NYAP2: variants seen among roughly 807,000 people sequenced by gnomAD.
NYAP2 encodes neuronal tyrosine-phosphorylated phosphoinositide-3-kinase adaptor 2, also known as neuronal tyrosine-phosphorylated phosphoinositide-3-kinase adapter 2.
NYAP2 carries 23 observed loss-of-function variants against 50.4 expected under a neutral mutation model. That is an observed-to-expected ratio of 0.46 (90% CI 0.33 to 0.65). The LOEUF (loss-of-function observed/expected upper bound fraction) is 0.65. Among genes scored for constraint, NYAP2 ranks in the 30% least tolerant of loss-of-function variants. The pLI is 0.02. For missense variants in NYAP2, 885 were observed against 861.0 expected (o/e 1.03, Z -0.35); for synonymous variants, 394 against 365.2 (o/e 1.08, Z -0.90).
At chr2:225,452,581 A>G (rs1689670555) in intron 3 of NYAP2, among the ~76,000 whole-genome samples, 1 of 151,608 alleles carries the variant, frequency 6.6e-6, no homozygotes, top group Admixed American at 6.6e-5. Context: ...GACATTTCTC[A>G]CTCCTTTTTC....
At chr2:225,684,751 A>G in the NYAP2 span, among the ~76,000 whole-genome samples, 6 of 152,188 alleles carry the variant, frequency 3.9e-5, no homozygotes, top group Middle Eastern at 3.4e-3. Flanking sequence ...GGGTTTCACT[A>G]TGTTGGTGAG....
At chr2:225,699,069 C>T in the NYAP2 span, 30 of 151,850 alleles carry the variant, frequency 2.0e-4, no homozygotes, top group African/African-American at 7.3e-4. Flanking sequence ...AGCATCTGTG[C>T]TTTTTAAGTT....
intron 3 of NYAP2, among the ~76,000 whole-genome samples, chr2:225,464,469 G>A (rs369315967): frequency 1.3e-5 from 2 of 152,198 alleles, no homozygotes; most frequent in South Asian, 2.1e-4. Context: ...AATACTTTGC[G>A]GGCCAGGAAG....
At chr2:225,629,947 C>A (rs1441293171) in intron 6 of NYAP2, among the ~76,000 whole-genome samples, 1 of 152,170 alleles carries the variant, frequency 6.6e-6, no homozygotes, top group Non-Finnish European at 1.5e-5. Flanking sequence ...GAAGAGAAAT[C>A]AGTTAGTTCT....
rs568115507 is a variant in NYAP2, at chr2:225,439,409, G to A, written c.221+30308G>A. Among the ~76,000 whole-genome samples the A allele has an allele frequency of 9.8e-5, 15 of 152,328 alleles. No homozygotes were observed. In the East Asian group the frequency reaches 2.5e-3, roughly 25 times the overall value. On this transcript the variant is annotated intron_variant, in intron 3 of 6. Transcript: ENST00000636099. ...GAAAAAGTCACTGAGAGTCCTGAAAGGATGGAAAATTGTGATTACAGAATA... is the reference window on the plus strand; with the variant it reads ...GAAAAAGTCACTGAGAGTCCTGAAAAGATGGAAAATTGTGATTACAGAATA...
intron 6 of NYAP2, among the ~76,000 whole-genome samples, chr2:225,638,376 A>G (rs1693464176): frequency 6.6e-6 from 1 of 152,098 alleles, no homozygotes; most frequent in South Asian, 2.1e-4. Flanking sequence ...GTGGAAGGAA[A>G]AAGCACAAGA....
At chr2:225,500,043 ATTG>A (rs1335048154) in intron 3 of NYAP2, among the ~76,000 whole-genome samples, 1 of 152,226 alleles carries the variant, frequency 6.6e-6, no homozygotes, top group Non-Finnish European at 1.5e-5. Flanking sequence ...ATGTATAAAA[ATTG>A]TTAAGAGATA....
At chr2:225,468,594 A>G (rs1399540961) in intron 3 of NYAP2, among the ~76,000 whole-genome samples, 1 of 152,238 alleles carries the variant, frequency 6.6e-6, no homozygotes, top group African/African-American at 2.4e-5. Flanking sequence ...GTGTGATTCA[A>G]TGATAAATGA....
the NYAP2 span, among the ~76,000 whole-genome samples, chr2:225,669,248 T>C: frequency 2.6e-5 from 4 of 152,082 alleles, no homozygotes; most frequent in Admixed American, 2.0e-4. Context: ...TCTCTTTCTT[T>C]TTACAAAAGA....
chr2:225,650,894 T>C (rs1693719200), intron 6 of NYAP2, among the ~76,000 whole-genome samples: 1 of 152,082 alleles, frequency 6.6e-6, no homozygotes, highest in African/African-American at 2.4e-5. Flanking sequence ...GCTTTTTAAG[T>C]TGGAAAAATA....
intron 3 of NYAP2, among the ~76,000 whole-genome samples, chr2:225,429,304 C>G (rs911500192): frequency 2.0e-5 from 3 of 152,196 alleles, no homozygotes; most frequent in African/African-American, 7.2e-5. Context: ...AAATGCTAAG[C>G]TTGCATGTTG....
intron 3 of NYAP2, among the ~76,000 whole-genome samples, chr2:225,444,014 A>G (rs1055620841): frequency 6.6e-6 from 1 of 152,192 alleles, no homozygotes; most frequent in African/African-American, 2.4e-5. Flanking sequence ...ACTTAGATTC[A>G]AATGATCTCA....
chr2:225,496,356 C>T (rs1690505326), intron 3 of NYAP2, among the ~76,000 whole-genome samples: 1 of 152,028 alleles, frequency 6.6e-6, no homozygotes, highest in South Asian at 2.1e-4. Context: ...AGTGTGTGGC[C>T]AGGGAATATG....
intron 3 of NYAP2, among the ~76,000 whole-genome samples, chr2:225,510,406 A>G (rs1377969324): frequency 6.6e-6 from 1 of 152,196 alleles, no homozygotes; most frequent in East Asian, 1.9e-4. Context: ...ACACAAATTC[A>G]TCTTCTACAC....
At chr2:225,539,932 C>T (rs894281926) in intron 4 of NYAP2, among the ~76,000 whole-genome samples, 5 of 152,116 alleles carry the variant, frequency 3.3e-5, no homozygotes, top group African/African-American at 1.2e-4. Flanking sequence ...CTGCCAGATA[C>T]CCTTAATCAT....
At chr2:225,560,377 G>A (rs1016018417) in intron 4 of NYAP2, among the ~76,000 whole-genome samples, 3 of 151,976 alleles carry the variant, frequency 2.0e-5, no homozygotes, top group Non-Finnish European at 4.4e-5. Flanking sequence ...ATGACATAGA[G>A]CATACCATAT....
chr2:225,649,732 T>C (rs11902730), intron 6 of NYAP2, among the ~76,000 whole-genome samples: 30,107 of 152,138 alleles, frequency 0.2, 3,337 homozygotes, highest in African/African-American at 0.3. Flanking sequence ...AGGGCAATAT[T>C]GGGATTTTGG....
At chr2:225,578,295 G>C (rs1692203888) in intron 4 of NYAP2, among the ~76,000 whole-genome samples, 2 of 151,934 alleles carry the variant, frequency 1.3e-5, no homozygotes, top group South Asian at 4.1e-4. Flanking sequence ...GAAATTGCTT[G>C]AACTTTATGA....
chr2:225,441,602 G>C (rs533080224), intron 3 of NYAP2, among the ~76,000 whole-genome samples: 1 of 152,132 alleles, frequency 6.6e-6, no homozygotes, highest in Non-Finnish European at 1.5e-5. Flanking sequence ...AACAAGGCAC[G>C]ATTTCAAAAG....
Sources: allele counts gnomAD v4.1 joint callset (sites outside exome capture counted in the v4.1 genomes callset), GRCh38; gene constraint gnomAD v4.1.1; transcripts MANE v1.5; gene names NCBI Gene and HGNC (gene_info 2026-07-23, HGNC 2026-07-21).